RASL10B: variants seen among roughly 807,000 people sequenced by gnomAD.
The protein encoded by RASL10B is ras-like protein family member 10B.
A neutral mutation model predicts 20.7 loss-of-function variants in RASL10B; 10 were observed. The observed-to-expected ratio is 0.48, with a 90% CI of 0.30 to 0.82. The LOEUF (loss-of-function observed/expected upper bound fraction) is 0.82. Among genes scored for constraint, RASL10B ranks in the 40% least tolerant of loss-of-function variants. The probability of loss-of-function intolerance (pLI) is 0.07; values close to 1 mark genes in which losing one functional copy is unlikely to be tolerated. For missense variants in RASL10B, 231 were observed against 295.4 expected (o/e 0.78, Z 1.60); for synonymous variants, 110 against 123.3 (o/e 0.89, Z 0.72).
chr17:35,738,104 C>G (rs1318239429), intron 2 of RASL10B, among the ~76,000 whole-genome samples: 6 of 152,056 alleles, frequency 3.9e-5, no homozygotes, highest in African/African-American at 1.4e-4. Flanking sequence ...ATGATATTCT[C>G]CTTGTAGTCT....
intron 2 of RASL10B, among the ~76,000 whole-genome samples, chr17:35,736,526 G>A (rs1410335064): frequency 1.3e-5 from 2 of 152,286 alleles, no homozygotes; most frequent in African/African-American, 2.4e-5. Context: ...GCCTGATCCC[G>A]CATCTGCCCT....
chr17:35,732,120 C>T (rs2085562068), intron 1 of RASL10B, among the ~76,000 whole-genome samples: 1 of 152,126 alleles, frequency 6.6e-6, no homozygotes, highest in Non-Finnish European at 1.5e-5. Context: ...TTCTACATCC[C>T]CCCAAACTCC....
intron 1 of RASL10B, among the ~76,000 whole-genome samples, chr17:35,732,307 C>T (rs914030224): frequency 1.3e-5 from 2 of 152,224 alleles, no homozygotes; most frequent in Non-Finnish European, 2.9e-5. Flanking sequence ...GGGGACGGAA[C>T]CAGGCTTCGC....
chr17:35,736,857 C>T (rs782174127), intron 2 of RASL10B: 1 of 152,286 alleles, frequency 6.6e-6, no homozygotes, highest in Non-Finnish European at 1.5e-5. Context: ...CGGGTTCAAG[C>T]GATTCTCCTG....
chr17:35,734,935 T>C, intron 1 of RASL10B, 103 bp from the exon 2 acceptor site: 1 of 552,278 alleles, frequency 1.8e-6, no homozygotes, highest in South Asian at 2.4e-5. Context: ...AGGGAAGGCA[T>C]TCTAAGTGGC....
At chr17:35,732,170 C>T (rs1323511173) in intron 1 of RASL10B, among the ~76,000 whole-genome samples, 1 of 152,168 alleles carries the variant, frequency 6.6e-6, no homozygotes, top group Non-Finnish European at 1.5e-5. Flanking sequence ...CCTCTGTCGC[C>T]CCCAGCCCAC....
intron 1 of RASL10B, among the ~76,000 whole-genome samples, chr17:35,733,276 C>G (rs975835086): frequency 6.6e-6 from 1 of 152,172 alleles, no homozygotes; most frequent in African/African-American, 2.4e-5. Flanking sequence ...TGACCCCTGC[C>G]CATAGCAGTG....
At chr17:35,737,296 T>C (rs1415508112) in intron 2 of RASL10B, among the ~76,000 whole-genome samples, 4 of 152,196 alleles carry the variant, frequency 2.6e-5, no homozygotes, top group Non-Finnish European at 5.9e-5. Flanking sequence ...TGTGAGCCAC[T>C]GTGCTTGGCG....
intron 2 of RASL10B, among the ~76,000 whole-genome samples, chr17:35,738,393 T>C (rs937217222): frequency 2.0e-5 from 3 of 152,238 alleles, no homozygotes; most frequent in South Asian, 2.1e-4. Flanking sequence ...ATGGCCACCA[T>C]CTGGAAACAA....
rs1346496069 is a variant in RASL10B, at chr17:35,742,615, T to C, written c.*1310T>C. On this transcript the variant is annotated 3_prime_UTR_variant, in exon 4 of 4. Coordinates refer to ENST00000603017, the MANE Select transcript of RASL10B (RefSeq NM_033315.4). ...ACCGATTTAGAAATAACAATAATAA[T>C]GAAGATTCTAGGAATGGCATGAGGG... 6.6e-6 allele frequency: 1 copy of C among 152,586 alleles called. No individual in the cohort carries two copies. The highest frequency in any genetic ancestry group is 1.5e-5 in the Non-Finnish European group (1 of 68,032). The allele number at this position is 152,586 out of a possible 1,614,324, so 9.5% of individuals were successfully genotyped here.
Position 35,741,588 on chromosome 17 carries a change from TG to T in RASL10B, c.*288del. ...GCGGGGGTGCCACAGCCTTTTGGGA[TG>T]GGGGTGAGCGTGCAATGGAGGCTGG... is the stretch of plus-strand genomic sequence containing the variant. On this transcript the variant is annotated 3_prime_UTR_variant, in exon 4 of 4. Coordinates refer to ENST00000603017, the MANE Select transcript of RASL10B (RefSeq NM_033315.4). 1 of 396,834 alleles carries T rather than the reference TG, an allele frequency of 2.5e-6. No individual in the cohort carries two copies. The highest frequency in any genetic ancestry group is 4.4e-6 in the Non-Finnish European group (1 of 228,534). The allele number at this position is 396,834 out of a possible 1,614,324, so 24.6% of individuals were successfully genotyped here. A position where few individuals can be genotyped will look rare whatever the true frequency, so the allele number is the denominator to read the frequency against.
intron 1 of RASL10B, among the ~76,000 whole-genome samples, chr17:35,733,126 T>G (rs781928460): frequency 1.2e-4 from 19 of 152,220 alleles, no homozygotes; most frequent in Non-Finnish European, 2.8e-4. Context: ...TTGTTTGTTT[T>G]TTAAACCTTC....
At chr17:35,733,485 C>G (rs2085572267) in intron 1 of RASL10B, among the ~76,000 whole-genome samples, 1 of 152,226 alleles carries the variant, frequency 6.6e-6, no homozygotes. Context: ...GGAGTGAGTC[C>G]TCTGAACCAG....
intron 2 of RASL10B, chr17:35,737,146 T>A (rs1555597320): frequency 6.6e-6 from 1 of 152,226 alleles, no homozygotes; most frequent in African/African-American, 2.4e-5. Flanking sequence ...ACAAGAACCA[T>A]ACTGTTCTGT....
In RASL10B at chr17:35,743,095, A is replaced by G. The variant is rs2085640201; in HGVS notation, c.*1790A>G. 1 of 152,684 alleles carries G rather than the reference A, an allele frequency of 6.5e-6. No homozygotes were observed. Among genetic ancestry groups the G allele is most frequent in the Non-Finnish European group, 1.5e-5 (1 of 68,068 alleles). 9.5% of individuals were successfully genotyped at this position (152,684 alleles called of 1,614,324 possible). On this transcript the variant is annotated 3_prime_UTR_variant, in exon 4 of 4. Coordinates refer to ENST00000603017, the MANE Select transcript of RASL10B (RefSeq NM_033315.4). ...TGCCCTCTGTGAGCCTCCCTCTGACACAGAGGAGGTGGCTCCCCTTCCCCA... is the reference window on the plus strand; with the variant it reads ...TGCCCTCTGTGAGCCTCCCTCTGACGCAGAGGAGGTGGCTCCCCTTCCCCA...
chr17:35,739,167 T>C (rs1410464161), intron 2 of RASL10B, among the ~76,000 whole-genome samples: 1 of 152,250 alleles, frequency 6.6e-6, no homozygotes, highest in Non-Finnish European at 1.5e-5. Flanking sequence ...TGTTCTGAAG[T>C]TGGACTTAAC....
chr17:35,738,722 C>G (rs188305183), intron 2 of RASL10B, among the ~76,000 whole-genome samples: 130 of 152,282 alleles, frequency 8.5e-4, no homozygotes, highest in Non-Finnish European at 1.6e-3. Context: ...AATCAGGGGC[C>G]TTCCTCCTCT....
chr17:35,735,438 C>T lies in RASL10B; in HGVS notation c.216+38C>T, dbSNP rs781813665. On this transcript the variant is annotated intron_variant, in intron 2 of 3. Transcript: ENST00000603017. The surrounding 1 kb of genome is among the most constrained non-coding windows in gnomAD (Gnocchi z 6.7). ...TGGGGGGCATGGGTTAGTGGGGAAA[C>T]GGATGGGTAGGGGAGAGGCTGGATT... is the stretch of plus-strand genomic sequence containing the variant. 63 of 1,596,984 alleles carry T rather than the reference C, an allele frequency of 3.9e-5. No homozygotes were observed. The South Asian group carries it at 4.6e-4, about 12-fold the overall frequency.
At chr17:35,736,206 G>A (rs1053757997) in intron 2 of RASL10B, among the ~76,000 whole-genome samples, 1 of 152,222 alleles carries the variant, frequency 6.6e-6, no homozygotes, top group Non-Finnish European at 1.5e-5. Context: ...TTGAGAGGGA[G>A]TGGAGAGAAA....
Sources: gnomAD v4.1 joint callset for allele counts (sites outside exome capture counted in the v4.1 genomes callset) on GRCh38, gnomAD v4.1.1 for gene constraint, Gnocchi (gnomAD v3.1) non-coding constraint, MANE v1.5 for transcripts, NCBI Gene and HGNC (gene_info 2026-07-23, HGNC 2026-07-21) for gene names.